Variants in BMPR1B observed in about 807,000 individuals in gnomAD.
BMPR1B encodes bone morphogenetic protein receptor type-1B.
In BMPR1B, 12 loss-of-function variants were observed where a neutral mutation model predicts 59.1. The ratio of observed to expected loss-of-function variants is 0.20; its 90% CI spans 0.13 to 0.33. BMPR1B has a LOEUF of 0.33. BMPR1B is among the 10% of genes least tolerant of loss of function. BMPR1B has a pLI of 1.00. For synonymous variants in BMPR1B, 237 were observed against 207.3 expected, an observed-to-expected ratio of 1.14 and a Z score of -1.23; for missense variants, 550 against 610.9, an observed-to-expected ratio of 0.90 and a Z score of 1.05.
At chr4:95,128,817 G>A (rs529381377) in intron 8 of BMPR1B, among the ~76,000 whole-genome samples, 1 of 152,138 alleles carries the variant, frequency 6.6e-6, no homozygotes, top group Admixed American at 6.5e-5. Flanking sequence ...TTGGCATTCT[G>A]TATCTCAGAA....
At chr4:94,985,972 C>T (rs1039186715) in intron 2 of BMPR1B, among the ~76,000 whole-genome samples, 1 of 152,172 alleles carries the variant, frequency 6.6e-6, no homozygotes. Flanking sequence ...TCCCTTAGTC[C>T]TTAGACATGT....
intron 3 of BMPR1B, among the ~76,000 whole-genome samples, chr4:95,082,868 C>T (rs1319634120): frequency 2.0e-5 from 3 of 151,544 alleles, no homozygotes; most frequent in Admixed American, 2.0e-4. Context: ...GAAGCCTCGT[C>T]TCTACTAAAA....
At chr4:95,018,890 G>C (rs1042954190) in intron 3 of BMPR1B, among the ~76,000 whole-genome samples, 1 of 152,042 alleles carries the variant, frequency 6.6e-6, no homozygotes, top group African/African-American at 2.4e-5. Flanking sequence ...TTGGCACCTC[G>C]GACTTCATAC....
intron 1 of BMPR1B, among the ~76,000 whole-genome samples, chr4:94,809,638 A>G (rs986123700): frequency 1.3e-5 from 2 of 152,176 alleles, no homozygotes; most frequent in African/African-American, 2.4e-5. Flanking sequence ...TTTTGTGTAC[A>G]TTGTACTGCT....
intron 2 of BMPR1B, among the ~76,000 whole-genome samples, chr4:94,903,514 CTT>C (rs374791371): frequency 4.3e-5 from 6 of 139,166 alleles, no homozygotes; most frequent in African/African-American, 1.3e-4. Context: ...ATATTACTTA[CTT>C]TTTTTTTTTT....
intron 10 of BMPR1B, among the ~76,000 whole-genome samples, chr4:95,146,534 A>G (rs1011714819): frequency 2.0e-5 from 3 of 152,190 alleles, no homozygotes; most frequent in South Asian, 2.1e-4. Context: ...ATCTTTATCA[A>G]CTGTGGTCAG....
At chr4:94,815,593 A>G (rs898364966) in intron 1 of BMPR1B, among the ~76,000 whole-genome samples, 1 of 152,196 alleles carries the variant, frequency 6.6e-6, no homozygotes, top group African/African-American at 2.4e-5. Flanking sequence ...ATTTGAGTAG[A>G]CATTGTGGTA....
chr4:94,979,911 G>A (rs540197357), intron 2 of BMPR1B, among the ~76,000 whole-genome samples: 24 of 152,206 alleles, frequency 1.6e-4, no homozygotes, highest in Non-Finnish European at 2.6e-4. Flanking sequence ...TTATTACTCC[G>A]GTTTCCCCTT....
intron 2 of BMPR1B, among the ~76,000 whole-genome samples, chr4:94,878,314 T>G (rs1325924530): frequency 1.3e-5 from 2 of 152,184 alleles, no homozygotes; most frequent in East Asian, 3.8e-4. Context: ...GATACTAGGT[T>G]TTTATTAGCA....
intron 3 of BMPR1B, among the ~76,000 whole-genome samples, chr4:95,036,451 G>T (rs1206935000): frequency 6.6e-6 from 1 of 152,052 alleles, no homozygotes; most frequent in East Asian, 1.9e-4. Context: ...TCACAAATAT[G>T]TGAGAACATG....
At chr4:94,798,543 A>C (rs934074773) in intron 1 of BMPR1B, among the ~76,000 whole-genome samples, 1 of 152,244 alleles carries the variant, frequency 6.6e-6, no homozygotes, top group East Asian at 1.9e-4. Context: ...CCTCTTAACA[A>C]CCATTTCCTT....
intron 3 of BMPR1B, among the ~76,000 whole-genome samples, chr4:95,023,460 C>T (rs1449752477): frequency 6.6e-6 from 1 of 152,146 alleles, no homozygotes; most frequent in Admixed American, 6.6e-5. Flanking sequence ...TGGGTCACTG[C>T]AGCCTGAAAC....
intron 1 of BMPR1B, among the ~76,000 whole-genome samples, chr4:94,873,074 T>G (rs894774710): frequency 5.9e-5 from 9 of 152,174 alleles, no homozygotes; most frequent in African/African-American, 2.2e-4. Flanking sequence ...TTTTTTTTTT[T>G]GGCCATAAGC....
At chr4:94,926,244 C>G (rs905866587) in intron 2 of BMPR1B, among the ~76,000 whole-genome samples, 6 of 151,746 alleles carry the variant, frequency 4.0e-5, no homozygotes, top group African/African-American at 1.5e-4. Context: ...CTTTGCACTG[C>G]AGGATATTTG....
intron 1 of BMPR1B, among the ~76,000 whole-genome samples, chr4:94,770,182 G>GTTTTTTTTTTTTTTTTTTTTTTTT: frequency 0.016 from 634 of 39,736 alleles, 67 homozygotes; most frequent in Non-Finnish European, 0.019. Context: ...TCGTTTCTGT[G>GTTTTTTTTTTTTTTTTTTTTTTTT]TTTGTTTTTT....
At chr4:94,912,464 C>G (rs1728314633) in intron 2 of BMPR1B, among the ~76,000 whole-genome samples, 1 of 151,982 alleles carries the variant, frequency 6.6e-6, no homozygotes, top group Admixed American at 6.6e-5. Context: ...TTGGGTGTTC[C>G]CAGCAAAGTG....
At chr4:94,892,000 C>T (rs1192817305) in intron 2 of BMPR1B, among the ~76,000 whole-genome samples, 1 of 151,994 alleles carries the variant, frequency 6.6e-6, no homozygotes, top group Non-Finnish European at 1.5e-5. Flanking sequence ...ACATATAAAG[C>T]ACTGTCTTGG....
At chr4:94,827,720 T>C (rs2110665155) in intron 1 of BMPR1B, among the ~76,000 whole-genome samples, 1 of 152,354 alleles carries the variant, frequency 6.6e-6, no homozygotes, top group East Asian at 1.9e-4. Flanking sequence ...AGTATCTGTC[T>C]ATCCTATGAT....
intron 2 of BMPR1B, among the ~76,000 whole-genome samples, chr4:94,888,398 AAG>A (rs149587971): frequency 0.014 from 2,156 of 152,186 alleles, 38 homozygotes; most frequent in African/African-American, 0.049. Flanking sequence ...AAAATAGAAA[AAG>A]ATCTTTGTTG....
Sources: gnomAD v4.1 joint callset for allele counts (sites outside exome capture counted in the v4.1 genomes callset) on GRCh38, gnomAD v4.1.1 for gene constraint, MANE v1.5 for transcripts, NCBI Gene and HGNC (gene_info 2026-07-23, HGNC 2026-07-21) for gene names.